Variants in SART3 observed in about 807,000 individuals in gnomAD.
SART3 encodes the protein spliceosome associated factor 3, U4/U6 recycling protein, also known as HIV-1 Tat-interacting protein of 110kDa.
A neutral mutation model predicts 122.3 loss-of-function variants in SART3; 44 were observed. The observed-to-expected ratio is 0.36, with a 90% CI of 0.28 to 0.46. SART3 has a LOEUF of 0.46. Among genes scored for constraint, SART3 ranks in the 20% least tolerant of loss-of-function variants. The pLI, the probability that SART3 is intolerant of heterozygous loss-of-function variation, is 1.00. For synonymous variants in SART3, 442 were observed against 454.0 expected (o/e 0.97, Z 0.34); for missense variants, 1,101 against 1,229.0 (o/e 0.90, Z 1.56).
rs772002751 is a variant in SART3, at chr12:108,526,558, A to G, written c.1916-5T>C. The stretch of plus-strand genomic sequence containing the variant: ...TTCTGCGTTTGGAAGGCTGCTCTAC[A>G]GGTTTTCAAAAGAAAAGTAGCCATG... On this transcript the variant is annotated splice_region_variant and splice_polypyrimidine_tract_variant and intron_variant, in intron 15 of 18. Transcript: ENST00000546815. 6.2e-7 allele frequency: 1 copy of G among 1,613,368 alleles called. No homozygotes were observed. The highest frequency in any genetic ancestry group is 8.5e-7 in the Non-Finnish European group (1 of 1,180,022).
chr12:108,531,207 C>T lies in SART3; in HGVS notation c.1743G>A (p.Met581Ile). Residue 581 changes from methionine to isoleucine, a missense_variant, in exon 14 of 19, where the codon ATG becomes ATA. Physicochemically the swap from Met to Ile is conservative, Grantham distance 10. Coordinates refer to ENST00000546815, the MANE Select transcript of SART3 (RefSeq NM_014706.4). Reference protein sequence around the residue: ...TRLARVNEQRMKAAEKEAALV... With the variant: ...TRLARVNEQRIKAAEKEAALV... The stretch of plus-strand genomic sequence containing the variant: ...AGACTTCAAACATTGTCATTACCTT[C>T]ATTCTCTGCTCATTGACACGAGCTA... 6.2e-7 allele frequency: 1 copy of T among 1,613,866 alleles called. No individual in the cohort carries two copies. The highest frequency in any genetic ancestry group is 8.5e-7 in the Non-Finnish European group (1 of 1,179,788).
chr12:108,522,276 ATGT>A lies in SART3; in HGVS notation c.*1178_*1180del, dbSNP rs564909853. Among the ~76,000 whole-genome samples, 1 of 152,238 alleles carries A rather than the reference ATGT, an allele frequency of 6.6e-6. No homozygotes were observed. The highest frequency in any genetic ancestry group is 1.5e-5 in the Non-Finnish European group (1 of 68,038). On this transcript the variant is annotated 3_prime_UTR_variant, in exon 19 of 19. Coordinates refer to ENST00000546815, the MANE Select transcript of SART3 (RefSeq NM_014706.4). ...ACTTTTTAATCGGTTATATTAAAAA[ATGT>A]TAAGTTAAAAAAATATAGAAAACCC...
At chr12:108,530,552 A>C (rs148477990) in intron 14 of SART3, among the ~76,000 whole-genome samples, 8 of 152,240 alleles carry the variant, frequency 5.3e-5, no homozygotes, top group East Asian at 1.9e-4. Context: ...CACCAAAAGG[A>C]AGGCAAAAAA....
chr12:108,550,079 G>GT lies in SART3; in HGVS notation c.313-866dup, dbSNP rs1304885761. 4.6e-5 allele frequency among the ~76,000 whole-genome samples: 7 copies of GT among 151,208 alleles called. No homozygotes were observed. The South Asian group carries it at 6.3e-4, about 14-fold the overall frequency. Reference sequence around the variant, plus strand: ...GAGAAACAAGAGTGGCAGCAGGTTGGTATCTGTTGATGCTGAGTGACAGGT... The same window carrying GT: ...GAGAAACAAGAGTGGCAGCAGGTTGGTTATCTGTTGATGCTGAGTGACAGGT... On this transcript the variant is annotated intron_variant, in intron 1 of 18. Transcript: ENST00000546815.
chr12:108,545,948 A>G (rs902330728), intron 3 of SART3, among the ~76,000 whole-genome samples: 2 of 141,922 alleles, frequency 1.4e-5, no homozygotes, highest in Non-Finnish European at 3.1e-5. Context: ...AGCCTAAGCG[A>G]AAGAGTAAGA....
At chr12:108,526,922 C>T (rs1239161926) in intron 15 of SART3, among the ~76,000 whole-genome samples, 1 of 152,214 alleles carries the variant, frequency 6.6e-6, no homozygotes, top group Non-Finnish European at 1.5e-5. Flanking sequence ...AGAATCTGCA[C>T]TGGAAAAGCA....
At chr12:108,523,960 C>T in intron 18 of SART3, 5 of 556,438 alleles carry the variant, frequency 9.0e-6, no homozygotes, top group East Asian at 3.1e-5. Context: ...AACAGCACAG[C>T]TTATGTGGAT....
intron 1 of SART3, among the ~76,000 whole-genome samples, chr12:108,551,195 A>G (rs1050498201): frequency 6.6e-6 from 1 of 152,264 alleles, no homozygotes; most frequent in African/African-American, 2.4e-5. Context: ...ACATATTAAT[A>G]TCACATAACG....
rs370588996 is a variant in SART3, at chr12:108,526,471, G to A, written c.1998C>T (p.Pro666=). 235 of 1,614,168 alleles carry A rather than the reference G, an allele frequency of 1.5e-4. No individual in the cohort carries two copies. The highest frequency in any genetic ancestry group is 4.7e-4 in the East Asian group (21 of 44,890). ...CATCTACGGCAGCACATTTCCCAGCGGGCCCTGCTGCTACTTCTACATTTT... is the reference window on the plus strand; with the variant it reads ...CATCTACGGCAGCACATTTCCCAGCAGGCCCTGCTGCTACTTCTACATTTT... ...ETQNVEVAAG[P]AGKCAAVDVE... Residue 666 remains proline (P), a synonymous_variant, in exon 16 of 19, where the codon CCC becomes CCT. Coordinates refer to ENST00000546815, the MANE Select transcript of SART3 (RefSeq NM_014706.4).
intron 2 of SART3, among the ~76,000 whole-genome samples, chr12:108,548,342 C>G (rs776886120): frequency 6.6e-6 from 1 of 152,192 alleles, no homozygotes; most frequent in South Asian, 2.1e-4. Context: ...AAGTGTTATA[C>G]GTAGAATAGC....
intron 1 of SART3, 179 bp downstream of exon 1, chr12:108,560,664 G>A: frequency 1.8e-6 from 1 of 563,098 alleles, no homozygotes; most frequent in Non-Finnish European, 3.1e-6. Context: ...ATGAGATAAC[G>A]TTTGCAAGGC....
Position 108,526,311 on chromosome 12 carries a change from T to G in SART3, c.2158A>C (p.Thr720Pro). ...NLPYSMQEPDTKLRPLFEACG... is the reference protein window; with the variant it reads ...NLPYSMQEPDPKLRPLFEACG... Reference sequence around the variant, plus strand: ...GCCTCGAAGAGTGGCCTGAGCTTCGTGTCCGGCTCCTGCATGCTGTAGGGC... The same window carrying G: ...GCCTCGAAGAGTGGCCTGAGCTTCGGGTCCGGCTCCTGCATGCTGTAGGGC... Residue 720 changes from threonine to proline, a missense_variant, in exon 16 of 19, where the codon ACG (threonine) becomes CCG (proline). Transcript: ENST00000546815. 1.2e-6 allele frequency: 2 copies of G among 1,614,224 alleles called. No homozygotes were observed. Among genetic ancestry groups the G allele is most frequent in the Non-Finnish European group, 1.7e-6 (2 of 1,180,046 alleles).
chr12:108,549,005 G>A, intron 2 of SART3, 83 bp downstream of exon 2: 1 of 1,588,728 alleles, frequency 6.3e-7, no homozygotes. Flanking sequence ...TTTTCTACAA[G>A]GAGCATGTCC....
intron 1 of SART3, among the ~76,000 whole-genome samples, chr12:108,556,300 C>T (rs1029668059): frequency 3.3e-5 from 5 of 152,172 alleles, no homozygotes; most frequent in African/African-American, 1.2e-4. Flanking sequence ...GTCTCACCAT[C>T]TTGCCCAGTC....
intron 3 of SART3, 47 bp downstream of exon 3, chr12:108,547,840 T>TA: frequency 7.5e-7 from 1 of 1,341,610 alleles, no homozygotes. Context: ...AGCAGACTGA[T>TA]ATATATGACA....
intron 16 of SART3, 46 bp downstream of exon 16, chr12:108,526,053 T>C: frequency 6.6e-7 from 1 of 1,507,718 alleles, no homozygotes; most frequent in Non-Finnish European, 9.2e-7. Context: ...AGTGCCTGTC[T>C]AAAGCAACCA....
At chr12:108,546,125 T>A (rs10778643) in intron 3 of SART3, among the ~76,000 whole-genome samples, 130,890 of 152,204 alleles carry the variant, frequency 0.86, 56,376 homozygotes, top group East Asian at 0.94. Context: ...TCTATCTGGT[T>A]AGTAGCAATG....
At chr12:108,549,322 GCTAT>G in intron 1 of SART3, 108 bp from the exon 2 acceptor site, 1 of 1,255,676 alleles carries the variant, frequency 8.0e-7, no homozygotes, top group Admixed American at 1.8e-5. Flanking sequence ...AAATAAACGT[GCTAT>G]CTGAGAAAAC....
intron 12 of SART3, among the ~76,000 whole-genome samples, chr12:108,533,538 T>C (rs1872776670): frequency 6.6e-6 from 1 of 152,146 alleles, no homozygotes; most frequent in South Asian, 2.1e-4. Context: ...TTTTTGAAAA[T>C]TAACAAAGTG....
Sources: gnomAD v4.1 joint callset for allele counts (sites outside exome capture counted in the v4.1 genomes callset) on GRCh38, gnomAD v4.1.1 for gene constraint, MANE v1.5 for transcripts, NCBI Gene and HGNC (gene_info 2026-07-23, HGNC 2026-07-21) for gene names.